SLC35B2: variants seen among roughly 807,000 people sequenced by gnomAD.
SLC35B2 encodes solute carrier family 35 member B2.
A neutral mutation model predicts 37.9 loss-of-function variants in SLC35B2; 19 were observed. That is an observed-to-expected ratio of 0.50 (90% CI 0.35 to 0.74). The LOEUF is 0.74. Ranked by LOEUF, SLC35B2 falls within the 30% of genes least tolerant of loss-of-function variation. The pLI is 0.01. For missense variants in SLC35B2, 633 were observed against 547.6 expected, an observed-to-expected ratio of 1.16 and a Z score of -1.56; for synonymous variants, 277 against 225.2, an observed-to-expected ratio of 1.23 and a Z score of -2.06.
In SLC35B2 at chr6:44,254,969, T is replaced by TG. The variant is rs781001026; in HGVS notation, c.1035dup (p.Ile346HisfsTer81). On this transcript the variant is annotated frameshift_variant, in exon 4 of 4. Transcript: ENST00000393812. LOFTEE classifies it high-confidence loss of function. Reference sequence around the variant, plus strand: ...AAGAGCTGGCCACATGCGGAGCAGATGGAGAGTAGCAGGGCATGGGCAGCA... The same window carrying TG: ...AAGAGCTGGCCACATGCGGAGCAGATGGGAGAGTAGCAGGGCATGGGCAGCA... 4.3e-6 allele frequency: 7 copies of TG among 1,614,024 alleles called. No individual in the cohort carries two copies. The highest frequency in any genetic ancestry group is 2.7e-5 in the African/African-American group (2 of 74,902).
In SLC35B2 at chr6:44,254,799, A is replaced by G. The variant is rs202082767; in HGVS notation, c.1206T>C (p.Phe402=). 2.5e-5 allele frequency: 41 copies of G among 1,614,174 alleles called. No homozygotes were observed. The South Asian group carries it at 4.3e-4, about 17-fold the overall frequency. The change falls in exon 4 of 4, where the codon TTT becomes TTC. Residue 402 remains phenylalanine (F), a synonymous_variant. Transcript: ENST00000393812. ...CGTAGACTCTGAGCAGGAGGGCAGC[A>G]AAGACCACAGCCACCCCCAGCCCTC... ...VVGGLGVAVV[F]AALLLRVYAR...
intron 2 of SLC35B2, 46 bp downstream of exon 2, chr6:44,256,638 AC>A: frequency 6.2e-7 from 1 of 1,611,852 alleles, no homozygotes; most frequent in Non-Finnish European, 8.5e-7. Flanking sequence ...CTGGCCAAAT[AC>A]CCTCTTTCCC....
intron 1 of SLC35B2, 140 bp downstream of exon 1, chr6:44,257,260 C>G: frequency 1.0e-6 from 1 of 988,878 alleles, no homozygotes; most frequent in Non-Finnish European, 1.3e-6. Context: ...GCCGCAGCTC[C>G]CATCCCCGCT....
At position 44,257,401 on chromosome 6, in the gene SLC35B2, TG is replaced by T; in HGVS notation, c.9del (p.Arg4AspfsTer14). On this transcript the variant is annotated frameshift_variant and splice_region_variant, in exon 1 of 4. Transcript: ENST00000393812. LOFTEE classifies it high-confidence loss of function. MD[A>X]RWWAVVVLAA... ...GCTCGCTGCTGCCCTAGCCCCCACCTGGCGTCCATGGTCCAGGCCGCGTGGG... is the reference window on the plus strand; with the variant it reads ...GCTCGCTGCTGCCCTAGCCCCCACCTGCGTCCATGGTCCAGGCCGCGTGGG... The T allele has an allele frequency of 7.8e-7, 1 of 1,275,592 alleles. No individual in the cohort carries two copies. 79.0% of individuals were successfully genotyped at this position (1,275,592 alleles called of 1,614,324 possible).
At position 44,257,393 on chromosome 6, in the gene SLC35B2, C is replaced by G; in HGVS notation, c.11+7G>C. The G allele has an allele frequency of 7.8e-7, 1 of 1,281,206 alleles. No individual in the cohort carries two copies. Among genetic ancestry groups the G allele is most frequent in the Non-Finnish European group, 9.9e-7 (1 of 1,006,762 alleles). The allele number at this position is 1,281,206 out of a possible 1,614,324, so 79.4% of individuals were successfully genotyped here. On this transcript the variant is annotated splice_region_variant and intron_variant, in intron 1 of 3. Coordinates refer to ENST00000393812, the MANE Select transcript of SLC35B2 (RefSeq NM_178148.4). Reference sequence around the variant, plus strand: ...TCACGTGAGCTCGCTGCTGCCCTAGCCCCCACCTGGCGTCCATGGTCCAGG... The same window carrying G: ...TCACGTGAGCTCGCTGCTGCCCTAGGCCCCACCTGGCGTCCATGGTCCAGG...
chr6:44,255,199 A>T lies in SLC35B2; in HGVS notation c.806T>A (p.Leu269His). 1 of 1,614,222 alleles carries T rather than the reference A, an allele frequency of 6.2e-7. No homozygotes were observed. The highest frequency in any genetic ancestry group is 1.1e-5 in the South Asian group (1 of 91,088). Residue 269 changes from leucine (L) to histidine (H), a missense_variant, in exon 4 of 4, where the codon CTC (leucine) becomes CAC (histidine). Physicochemically the swap from Leu to His is moderately conservative, Grantham distance 99. Transcript: ENST00000393812. ...PEPRSSPATT[L>H]SGLILLAGYI... Reference sequence around the variant, plus strand: ...ACCTGCCAGTAAGATGAGGCCTGAGAGTGTGGTGGCTGGGGAGCTGCGGGG... The same window carrying T: ...ACCTGCCAGTAAGATGAGGCCTGAGTGTGTGGTGGCTGGGGAGCTGCGGGG...
In SLC35B2 at chr6:44,254,989, G is replaced by A. The variant is rs1241188430; in HGVS notation, c.1016C>T (p.Ala339Val). 6 of 1,614,096 alleles carry A rather than the reference G, an allele frequency of 3.7e-6. No individual in the cohort carries two copies. The highest frequency in any genetic ancestry group is 5.1e-6 in the Non-Finnish European group (6 of 1,180,042). ...RFMGRHSEFA[A>V]HALLLSICSA... The stretch of plus-strand genomic sequence containing the variant: ...GCAGATGGAGAGTAGCAGGGCATGG[G>A]CAGCAAACTCACTGTGTCGCCCCAT... The change falls in exon 4 of 4, where the codon GCC becomes GTC. Residue 339 changes from alanine to valine, a missense_variant. Coordinates refer to ENST00000393812, the MANE Select transcript of SLC35B2 (RefSeq NM_178148.4).
Position 44,255,086 on chromosome 6 carries a change from T to C in SLC35B2, c.919A>G (p.Asn307Asp). ...ACTGTGAAGAGGCAGGAGAAGAAAT[T>C]GACCCCAAACATCATCTGCACCGAT... ...MSSVQMMFGV[N>D]FFSCLFTVGS... Residue 307 changes from asparagine to aspartate, a missense_variant, in exon 4 of 4, where the codon AAT becomes GAT. Transcript: ENST00000393812. 1.2e-6 allele frequency: 2 copies of C among 1,614,148 alleles called. No individual in the cohort carries two copies. Among genetic ancestry groups the C allele is most frequent in the Non-Finnish European group, 1.7e-6 (2 of 1,180,008 alleles).
At position 44,257,423 on chromosome 6, in the gene SLC35B2, GT is replaced by G; in HGVS notation, c.-14del. On this transcript the variant is annotated 5_prime_UTR_variant, in exon 1 of 4. Coordinates refer to ENST00000393812, the MANE Select transcript of SLC35B2 (RefSeq NM_178148.4). The stretch of plus-strand genomic sequence containing the variant: ...ACCTGGCGTCCATGGTCCAGGCCGC[GT>G]GGGGTGGAGGGGGAACCGGGGAATG... 2 of 1,261,896 alleles carry G rather than the reference GT, an allele frequency of 1.6e-6. No homozygotes were observed. The highest frequency in any genetic ancestry group is 2.0e-6 in the Non-Finnish European group (2 of 996,218). The allele number at this position is 1,261,896 out of a possible 1,614,324, so 78.2% of individuals were successfully genotyped here. A position where few individuals can be genotyped will look rare whatever the true frequency, so the allele number is the denominator to read the frequency against.
intron 1 of SLC35B2, 172 bp from the exon 2 acceptor site, chr6:44,257,050 G>A (rs989270658): frequency 3.6e-5 from 28 of 776,848 alleles, no homozygotes; most frequent in Middle Eastern, 3.8e-4. Context: ...GGGGTGCGCC[G>A]GCGCTGGCCA....
upstream of SLC35B2, chr6:44,257,540 C>T (rs957647265): frequency 6.1e-5 from 55 of 904,296 alleles, 1 homozygote; most frequent in Middle Eastern, 8.1e-4. Context: ...CCGCGCTCTT[C>T]CCGCCTCCCT....
In SLC35B2 at chr6:44,254,879, C is replaced by A. The variant is rs752775711; in HGVS notation, c.1126G>T (p.Ala376Ser). The change falls in exon 4 of 4, where the codon GCC becomes TCC. Residue 376 changes from alanine to serine, a missense_variant. Transcript: ENST00000393812. ...VFTIIMTLRQ[A>S]FAILLSCLLY... ...AGGCAGGAAAGAAGGATGGCAAAGG[C>A]CTGGCGGAGGGTCATGATGATGGTG... 6.2e-7 allele frequency: 1 copy of A among 1,614,160 alleles called. No individual in the cohort carries two copies.
rs200662921 is a variant in SLC35B2 at position 44,255,166 on chromosome 6, G to C, written c.839C>G (p.Ala280Gly). ...CCAGTTTGAGGTGAAGCTGTCAAAA[G>C]CAATATAACCTGCCAGTAAGATGAG... ...SGLILLAGYI[A>G]FDSFTSNWQD... Residue 280 changes from alanine (A) to glycine (G), a missense_variant, in exon 4 of 4, where the codon GCT becomes GGT. By Grantham distance (60) the Ala-to-Gly change is moderately conservative (BLOSUM62 0). Coordinates refer to ENST00000393812, the MANE Select transcript of SLC35B2 (RefSeq NM_178148.4). 8 of 1,614,124 alleles carry C rather than the reference G, an allele frequency of 5.0e-6. No individual in the cohort carries two copies. The East Asian group carries it at 6.7e-5, about 13-fold the overall frequency.
intron 3 of SLC35B2, among the ~76,000 whole-genome samples, chr6:44,256,046 T>A (rs1312040022): frequency 9.2e-5 from 14 of 152,184 alleles, no homozygotes; most frequent in Admixed American, 9.2e-4. Flanking sequence ...GAAGGAAGTA[T>A]AATAACGGCA....
rs949194361 is a variant in SLC35B2 at position 44,256,488 on chromosome 6, G to A, written c.214C>T (p.Leu72Phe). Reference protein sequence around the residue: ...RKNYLETGRGLCFPLVKACVF... With the variant: ...RKNYLETGRGFCFPLVKACVF... Reference sequence around the variant, plus strand: ...CAAGCTTTCACCAGGGGAAAGCAGAGGCCCCTACCTGAAGAAAGCACACAA... The same window carrying A: ...CAAGCTTTCACCAGGGGAAAGCAGAAGCCCCTACCTGAAGAAAGCACACAA... Residue 72 changes from leucine to phenylalanine, a missense_variant, in exon 3 of 4, where the codon CTC becomes TTC. Transcript: ENST00000393812. 1.2e-6 allele frequency: 2 copies of A among 1,614,040 alleles called. No homozygotes were observed. Among genetic ancestry groups the A allele is most frequent in the Non-Finnish European group, 1.7e-6 (2 of 1,180,044 alleles).
chr6:44,255,331 A>G lies in SLC35B2; in HGVS notation c.674T>C (p.Leu225Pro), dbSNP rs1464774802. The part of the protein sequence containing the change: ...AKASKVIPVM[L>P]MGKLVSRRSY... The stretch of plus-strand genomic sequence containing the variant: ...GCGCCGAGACACAAGCTTTCCCATC[A>G]GCATGACAGGGATCACCTTAGAGGC... The change falls in exon 4 of 4, where the codon CTG becomes CCG. Residue 225 changes from leucine to proline, a missense_variant. Coordinates refer to ENST00000393812, the MANE Select transcript of SLC35B2 (RefSeq NM_178148.4). 1.2e-6 allele frequency: 2 copies of G among 1,614,272 alleles called. No homozygotes were observed. Among genetic ancestry groups the G allele is most frequent in the Non-Finnish European group, 1.7e-6 (2 of 1,180,050 alleles).
At position 44,254,823 on chromosome 6, in the gene SLC35B2, T is replaced by G; in HGVS notation, c.1182A>C (p.Gly394=). 6.2e-7 allele frequency: 1 copy of G among 1,613,948 alleles called. No homozygotes were observed. Among genetic ancestry groups the G allele is most frequent in the South Asian group, 1.1e-5 (1 of 91,052 alleles). Residue 394 remains glycine, a synonymous_variant, in exon 4 of 4, where the codon GGA becomes GGC. Coordinates refer to ENST00000393812, the MANE Select transcript of SLC35B2 (RefSeq NM_178148.4). ...LLYGHTVTVV[G]GLGVAVVFAA... is the part of the protein sequence containing the mutation. The stretch of plus-strand genomic sequence containing the variant: ...CAAAGACCACAGCCACCCCCAGCCC[T>G]CCCACCACAGTGACAGTGTGGCCAT...
Position 44,255,418 on chromosome 6 carries a change from C to G in SLC35B2, c.587G>C (p.Ser196Thr). ...AAGAGCTTCGTATTGGCACCAGCTG[C>G]TAAGCACATTGGACAGGCTGGCAAA... ...YSFASLSNVLSSWCQYEALKF... is the reference protein window; with the variant it reads ...YSFASLSNVLTSWCQYEALKF... Residue 196 changes from serine (S) to threonine (T), a missense_variant, in exon 4 of 4, where the codon AGC becomes ACC. Physicochemically the swap from Ser to Thr is moderately conservative, Grantham distance 58. Transcript: ENST00000393812. 2 of 1,614,250 alleles carry G rather than the reference C, an allele frequency of 1.2e-6. No homozygotes were observed. The highest frequency in any genetic ancestry group is 1.7e-6 in the Non-Finnish European group (2 of 1,180,046).
At position 44,255,261 on chromosome 6, in the gene SLC35B2, A is replaced by G. The variant is rs762735381; in HGVS notation, c.744T>C (p.Ile248=). Residue 248 remains isoleucine, a synonymous_variant, in exon 4 of 4, where the codon ATT becomes ATC. Transcript: ENST00000393812. ...WEYLTATLIS[I]GVSMFLLSSG... is the part of the protein sequence containing the mutation. ...TGGATAGCAGAAACATGCTGACCCC[A>G]ATGGAGATGAGGGTGGCTGTCAGGT... is the stretch of plus-strand genomic sequence containing the variant. 1 of 1,614,176 alleles carries G rather than the reference A, an allele frequency of 6.2e-7. No homozygotes were observed. The highest frequency in any genetic ancestry group is 8.5e-7 in the Non-Finnish European group (1 of 1,180,020).
Sources: allele counts gnomAD v4.1 joint callset (sites outside exome capture counted in the v4.1 genomes callset), GRCh38; gene constraint gnomAD v4.1.1; transcripts MANE v1.5; gene names NCBI Gene and HGNC (gene_info 2026-07-23, HGNC 2026-07-21).